MPP1: variants seen among roughly 807,000 people sequenced by gnomAD.
MPP1 encodes the protein MAGUK p55 scaffold protein 1, also known as 55 kDa erythrocyte membrane protein.
MPP1 carries 6 observed loss-of-function variants against 38.2 expected under a neutral mutation model. The ratio of observed to expected loss-of-function variants is 0.16; its 90% CI spans 0.09 to 0.31. The LOEUF is 0.31. Among genes scored for constraint, MPP1 ranks in the 10% least tolerant of loss-of-function variants. The pLI is 1.00. For missense variants in MPP1, 293 were observed against 368.9 expected, an observed-to-expected ratio of 0.79 and a Z score of 1.69; for synonymous variants, 153 against 146.3, an observed-to-expected ratio of 1.05 and a Z score of -0.33.
intron 11 of MPP1, among the ~76,000 whole-genome samples, chrX:154,779,867 C>T (rs1326650663): frequency 1.2e-4 from 13 of 112,906 alleles, no homozygotes; most frequent in Admixed American, 8.3e-4. Flanking sequence ...TACAGGCATG[C>T]GCCACCACAT....
At chrX:154,800,812 C>T (rs1174450408) in intron 1 of MPP1, among the ~76,000 whole-genome samples, 1 of 112,297 alleles carries the variant, frequency 8.9e-6, no homozygotes, top group Non-Finnish European at 1.9e-5. Context: ...ATAAAGGCTG[C>T]CTCTGCACTG....
rs1295848928 is a variant in MPP1, at chrX:154,786,332, T to A, written c.549A>T (p.Gly183=). 1.7e-6 allele frequency: 2 copies of A among 1,211,576 alleles called. No individual in the cohort carries two copies. Among genetic ancestry groups the A allele is most frequent in the Non-Finnish European group, 2.2e-6 (2 of 895,433 alleles). ...KDNLIPCKEA[G]LKFATGDIIQ... Reference sequence around the variant, plus strand: ...TAATGTCCCCAGTAGCAAACTTCAGTCCCGCCTCCTTGCAAGGGATCAGAT... The same window carrying A: ...TAATGTCCCCAGTAGCAAACTTCAGACCCGCCTCCTTGCAAGGGATCAGAT... The change falls in exon 6 of 12, where the codon GGA becomes GGT. Residue 183 remains glycine (G), a synonymous_variant. Transcript: ENST00000369534.
rs1480955579 is a variant in MPP1 at position 154,778,786 on chromosome X, G to C, written c.*391C>G. 4 of 145,746 alleles carry C rather than the reference G, an allele frequency of 2.7e-5. No homozygotes were observed. The highest frequency in any genetic ancestry group is 1.2e-4 in the African/African-American group (4 of 32,324). The allele number at this position is 145,746 out of a possible 1,213,427, so 12.0% of individuals were successfully genotyped here. ...CATTTTGGCATTATAGAAAGTTGCA[G>C]TTAAAAACGCTTTCTCCAAAATAAA... On this transcript the variant is annotated 3_prime_UTR_variant, in exon 12 of 12. Coordinates refer to ENST00000369534, the MANE Select transcript of MPP1 (RefSeq NM_002436.4).
intron 11 of MPP1, among the ~76,000 whole-genome samples, chrX:154,779,789 G>A (rs1187129712): frequency 8.9e-6 from 1 of 112,965 alleles, no homozygotes; most frequent in Non-Finnish European, 1.9e-5. Context: ...CACAATCTCG[G>A]CTCACTGCAA....
chrX:154,784,212 G>T, intron 7 of MPP1, 104 bp from the exon 8 acceptor site: 1 of 630,440 alleles, frequency 1.6e-6, no homozygotes, highest in Non-Finnish European at 2.6e-6. Flanking sequence ...AACAAGCAGG[G>T]AGGAAGTGAC....
chrX:154,789,717 G>C (rs782131438), intron 5 of MPP1, among the ~76,000 whole-genome samples: 2 of 110,738 alleles, frequency 1.8e-5, no homozygotes, highest in South Asian at 3.9e-4. Flanking sequence ...AGCAGCAAAG[G>C]CTCATTCATT....
rs2072312516 is a variant in MPP1 at position 154,805,466 on chromosome X, G to A, written c.-93C>T. On this transcript the variant is annotated 5_prime_UTR_variant, in exon 1 of 12. Coordinates refer to ENST00000369534, the MANE Select transcript of MPP1 (RefSeq NM_002436.4). Reference sequence around the variant, plus strand: ...CGGGGCTGCGGAGAAGGCGGGAGACGCGGTGCGGCTGGGCCAGTCACCGCC... The same window carrying A: ...CGGGGCTGCGGAGAAGGCGGGAGACACGGTGCGGCTGGGCCAGTCACCGCC... 1 of 917,170 alleles carries A rather than the reference G, an allele frequency of 1.1e-6. No individual in the cohort carries two copies. The highest frequency in any genetic ancestry group is 3.6e-5 in the East Asian group (1 of 27,911). 75.6% of individuals were successfully genotyped at this position (917,170 alleles called of 1,213,427 possible). A position where few individuals can be genotyped will look rare whatever the true frequency, so the allele number is the denominator to read the frequency against.
At chrX:154,791,267 G>A in intron 3 of MPP1, 199 bp from the exon 4 acceptor site, 1 of 419,506 alleles carries the variant, frequency 2.4e-6, no homozygotes, top group South Asian at 3.9e-5. Context: ...TAGTCCAACA[G>A]CACAATAAAA....
At chrX:154,801,783 A>AAAAAAAAAAAAAG (rs2072268184) in intron 1 of MPP1, among the ~76,000 whole-genome samples, 1 of 78,837 alleles carries the variant, frequency 1.3e-5, no homozygotes, top group Non-Finnish European at 2.4e-5. Context: ...AAAAAAAAAA[A>AAAAAAAAAAAAAG]AAACAAAAAA....
intron 5 of MPP1, among the ~76,000 whole-genome samples, chrX:154,786,895 C>CAAAAAA (rs782470556): frequency 3.9e-5 from 1 of 25,587 alleles, no homozygotes; most frequent in Non-Finnish European, 5.7e-5. Context: ...GACTCCGTCT[C>CAAAAAA]AAAAAAAAAA....
intron 5 of MPP1, among the ~76,000 whole-genome samples, chrX:154,787,312 T>C (rs1557267329): frequency 8.9e-6 from 1 of 111,873 alleles, no homozygotes; most frequent in East Asian, 2.8e-4. Context: ...AACAGAGATG[T>C]AAAAACCCCA....
intron 1 of MPP1, among the ~76,000 whole-genome samples, chrX:154,797,766 T>C (rs1422350746): frequency 8.9e-6 from 1 of 112,036 alleles, no homozygotes; most frequent in Non-Finnish European, 1.9e-5. Context: ...AATTGGTAAA[T>C]TGGACCTCAT....
At position 154,781,853 on chromosome X, in the gene MPP1, A is replaced by G. The variant is rs377027720; in HGVS notation, c.947-51T>C. On this transcript the variant is annotated intron_variant, in intron 9 of 11. Coordinates refer to ENST00000369534, the MANE Select transcript of MPP1 (RefSeq NM_002436.4). The stretch of plus-strand genomic sequence containing the variant: ...ACAAACTCCAGGTCCTCACCCTTTC[A>G]TGAGGGCTTGGACCATGGTGTCTGT... 14 of 1,123,505 alleles carry G rather than the reference A, an allele frequency of 1.2e-5. No individual in the cohort carries two copies. In the African/African-American group the frequency reaches 2.5e-4, roughly 20 times the overall value. The allele number at this position is 1,123,505 out of a possible 1,213,427, so 92.6% of individuals were successfully genotyped here. A position where few individuals can be genotyped will look rare whatever the true frequency, so the allele number is the denominator to read the frequency against.
At chrX:154,801,063 C>T (rs1241511423) in intron 1 of MPP1, among the ~76,000 whole-genome samples, 15 of 112,566 alleles carry the variant, frequency 1.3e-4, no homozygotes, top group African/African-American at 3.2e-4. Context: ...TGCCTTTCTA[C>T]ACTCCACACC....
At position 154,805,282 on chromosome X, in the gene MPP1, C is replaced by CTA; in HGVS notation, c.90_91dup (p.Ser31IlefsTer11). On this transcript the variant is annotated frameshift_variant, in exon 1 of 12. Coordinates refer to ENST00000369534, the MANE Select transcript of MPP1 (RefSeq NM_002436.4). LOFTEE classifies it high-confidence loss of function. ...GCGGGGCCCGCTCACCTCTGGCCGACTACGCTTCTGCAGCAAATGCTCCAG... is the reference window on the plus strand; with the variant it reads ...GCGGGGCCCGCTCACCTCTGGCCGACTATACGCTTCTGCAGCAAATGCTCCAG... The CTA allele has an allele frequency of 8.3e-7, 1 of 1,204,692 alleles. No homozygotes were observed. The highest frequency in any genetic ancestry group is 1.1e-6 in the Non-Finnish European group (1 of 891,577).
At chrX:154,798,891 C>T (rs782027356) in intron 1 of MPP1, among the ~76,000 whole-genome samples, 113 of 110,628 alleles carry the variant, frequency 1.0e-3, no homozygotes, top group Non-Finnish European at 1.5e-3. Context: ...TGCACCACCA[C>T]GCCCGGCTAA....
At position 154,781,317 on chromosome X, in the gene MPP1, GAAAA is replaced by G. The variant is rs781889992; in HGVS notation, c.1150-8_1150-5del. 17 of 842,493 alleles carry G rather than the reference GAAAA, an allele frequency of 2.0e-5. No individual in the cohort carries two copies. Among genetic ancestry groups the G allele is most frequent in the Non-Finnish European group, 2.5e-5 (16 of 642,067 alleles). 69.4% of individuals were successfully genotyped at this position (842,493 alleles called of 1,213,427 possible). ...CTGTCCGAACAATTTTCAGGGTCTA[GAAAA>G]AAAAAAGAAGGGCGGCGGGGAGGGG... On this transcript the variant is annotated splice_polypyrimidine_tract_variant and splice_region_variant and intron_variant, in intron 10 of 11. Coordinates refer to ENST00000369534, the MANE Select transcript of MPP1 (RefSeq NM_002436.4).
intron 2 of MPP1, 131 bp from the exon 3 acceptor site, chrX:154,791,978 G>C: frequency 2.1e-6 from 2 of 957,635 alleles, no homozygotes; most frequent in Non-Finnish European, 2.9e-6. Flanking sequence ...ACTAGAACAG[G>C]CATGAAGCCT....
Position 154,786,243 on chromosome X carries a change from T to C in MPP1, c.638A>G (p.Glu213Gly). The C allele has an allele frequency of 8.3e-7, 1 of 1,211,931 alleles. No individual in the cohort carries two copies. Among genetic ancestry groups the C allele is most frequent in the Non-Finnish European group, 1.1e-6 (1 of 895,484 alleles). Residue 213 changes from glutamate (E) to glycine (G), a missense_variant, in exon 6 of 12, where the codon GAG (glutamate) becomes GGG (glycine). Coordinates refer to ENST00000369534, the MANE Select transcript of MPP1 (RefSeq NM_002436.4). ...WQGRVEGSSK[E>G]SAGLIPSPEL... ...AGGGGAAGGGATCAATCCTGCTGAC[T>C]CCTTGGAGGAGCCTTCCACCCGTCC... is the stretch of plus-strand genomic sequence containing the variant.
Sources: gnomAD v4.1 joint callset for allele counts (sites outside exome capture counted in the v4.1 genomes callset) on GRCh38, gnomAD v4.1.1 for gene constraint, MANE v1.5 for transcripts, NCBI Gene and HGNC (gene_info 2026-07-23, HGNC 2026-07-21) for gene names.